TESPA1: variants seen among roughly 807,000 people sequenced by gnomAD.
TESPA1 encodes thymocyte expressed, positive selection associated 1, also known as protein TESPA1.
TESPA1 carries 33 observed loss-of-function variants against 57.9 expected under a neutral mutation model. The ratio of observed to expected loss-of-function variants is 0.57; its 90% CI spans 0.43 to 0.76. The LOEUF (loss-of-function observed/expected upper bound fraction) is 0.76. Ranked by LOEUF, TESPA1 falls within the 30% of genes least tolerant of loss-of-function variation. The probability of loss-of-function intolerance (pLI) is 0.00; values close to 1 mark genes in which losing one functional copy is unlikely to be tolerated. For synonymous variants in TESPA1, 227 were observed against 228.9 expected, an observed-to-expected ratio of 0.99 and a Z score of 0.07; for missense variants, 618 against 632.9, an observed-to-expected ratio of 0.98 and a Z score of 0.25.
chr12:54,983,156 A>G (rs1952382538), intron 1 of TESPA1, among the ~76,000 whole-genome samples: 1 of 152,224 alleles, frequency 6.6e-6, no homozygotes, highest in Non-Finnish European at 1.5e-5. Context: ...TGAACTGAAA[A>G]TGACGGTTGG....
At chr12:54,978,690 A>G (rs1045828312) in intron 1 of TESPA1, among the ~76,000 whole-genome samples, 2 of 152,172 alleles carry the variant, frequency 1.3e-5, no homozygotes, top group Non-Finnish European at 2.9e-5. Context: ...ATTGACTCTC[A>G]ACATTGCTTG....
intron 3 of TESPA1, 82 bp downstream of exon 3, chr12:54,973,395 G>A (rs1219767917): frequency 2.6e-5 from 42 of 1,586,522 alleles, no homozygotes; most frequent in Middle Eastern, 1.7e-4. Context: ...CCATCTTCCC[G>A]TCTCTGAGTT....
chr12:54,978,919 T>C (rs908811618), intron 1 of TESPA1, among the ~76,000 whole-genome samples: 3 of 152,130 alleles, frequency 2.0e-5, no homozygotes, highest in African/African-American at 7.2e-5. Flanking sequence ...CCTAAACCCA[T>C]CATAGAACAT....
intron 3 of TESPA1, among the ~76,000 whole-genome samples, chr12:54,970,594 A>G (rs1951771002): frequency 6.6e-6 from 1 of 152,196 alleles, no homozygotes; most frequent in South Asian, 2.1e-4. Context: ...GAGCACAATG[A>G]TTTGAGACTT....
intron 10 of TESPA1, among the ~76,000 whole-genome samples, chr12:54,952,935 A>G (rs1411243463): frequency 6.6e-6 from 1 of 151,628 alleles, no homozygotes; most frequent in Non-Finnish European, 1.5e-5. Flanking sequence ...TCCTTATTCC[A>G]TTTTTCTTCC....
intron 10 of TESPA1, among the ~76,000 whole-genome samples, chr12:54,956,357 T>C (rs1159373084): frequency 6.6e-6 from 1 of 152,188 alleles, no homozygotes. Flanking sequence ...AGAATAAATA[T>C]TGACCTGTGC....
chr12:54,970,871 C>G (rs1020070124), intron 3 of TESPA1, among the ~76,000 whole-genome samples: 4 of 152,186 alleles, frequency 2.6e-5, no homozygotes, highest in Non-Finnish European at 2.9e-5. Context: ...TCCATAGCTA[C>G]CTGCCTGCAG....
At chr12:54,976,892 C>A (rs1952158288) in intron 1 of TESPA1, among the ~76,000 whole-genome samples, 2 of 152,118 alleles carry the variant, frequency 1.3e-5, no homozygotes, top group African/African-American at 4.8e-5. Flanking sequence ...CCTGAAAATA[C>A]TTACCTCTTT....
At chr12:54,950,756 A>G (rs1328198221) in intron 10 of TESPA1, among the ~76,000 whole-genome samples, 1 of 152,130 alleles carries the variant, frequency 6.6e-6, no homozygotes, top group East Asian at 1.9e-4. Flanking sequence ...CTAGCAATGC[A>G]TTTTCTATTA....
chr12:54,984,843 A>G (rs1906496), upstream of TESPA1: 17,496 of 152,436 alleles, frequency 0.11, 2,291 homozygotes, highest in East Asian at 0.63. Context: ...GCTCCGGCTC[A>G]GGAGACTGAG....
At chr12:54,980,628 A>G (rs1476120001) in intron 1 of TESPA1, among the ~76,000 whole-genome samples, 1 of 152,198 alleles carries the variant, frequency 6.6e-6, no homozygotes, top group Non-Finnish European at 1.5e-5. Context: ...GGTCATGGGC[A>G]CTCAGAGGGC....
chr12:54,974,655 C>T, intron 1 of TESPA1, 48 bp from the exon 2 acceptor site: 3 of 1,336,798 alleles, frequency 2.2e-6, no homozygotes, highest in South Asian at 3.6e-5. Context: ...GCTCAGAAAC[C>T]ATCATGATGC....
Position 54,955,760 on chromosome 12 carries a change from T to G in TESPA1, c.*2-5370A>C, listed in dbSNP as rs72648132. 3.3e-5 allele frequency among the ~76,000 whole-genome samples: 5 copies of G among 152,162 alleles called. No homozygotes were observed. In the East Asian group the frequency reaches 9.7e-4, roughly 30 times the overall value. On this transcript the variant is annotated intron_variant, in intron 10 of 10. Transcript: ENST00000449076. ...TTCTTTCTTTTACACCTTTGTGGAG[T>G]GATTTCCTGGGGTGGGAGGAGATTT...
chr12:54,962,358 T>C, intron 9 of TESPA1, 73 bp downstream of exon 9: 1 of 1,509,392 alleles, frequency 6.6e-7, no homozygotes, highest in Non-Finnish European at 9.0e-7. Context: ...CCAAGGGTTC[T>C]AACCCTTCAT....
At chr12:54,984,253 A>G (rs1232223687) in intron 1 of TESPA1, 1 of 152,234 alleles carries the variant, frequency 6.6e-6, no homozygotes, top group Non-Finnish European at 1.5e-5. Context: ...GTTCAGCAAG[A>G]CACAGAGAAG....
chr12:54,963,079 C>T lies in TESPA1; in HGVS notation c.819G>A (p.Glu273=). 6.2e-7 allele frequency: 1 copy of T among 1,613,882 alleles called. No homozygotes were observed. The highest frequency in any genetic ancestry group is 8.5e-7 in the Non-Finnish European group (1 of 1,179,858). The change falls in exon 9 of 11, where the codon GAG becomes GAA. Residue 273 remains glutamate (E), a synonymous_variant. Coordinates refer to ENST00000449076, the MANE Select transcript of TESPA1 (RefSeq NM_001136030.3). Reference sequence around the variant, plus strand: ...GGTCTCTGGGTGACTGGGGTTCAGGCTCTCGGGACAGAATCCTGATGGATG... The same window carrying T: ...GGTCTCTGGGTGACTGGGGTTCAGGTTCTCGGGACAGAATCCTGATGGATG... ...DVPSIRILSR[E]PEPQSPRDRL...
chr12:54,969,995 TA>T (rs1221928573), intron 3 of TESPA1, among the ~76,000 whole-genome samples: 1 of 152,202 alleles, frequency 6.6e-6, no homozygotes, highest in Non-Finnish European at 1.5e-5. Flanking sequence ...ACAGTGAGAA[TA>T]GCTCACTGTA....
intron 10 of TESPA1, among the ~76,000 whole-genome samples, chr12:54,953,335 A>G (rs1950513841): frequency 6.6e-6 from 1 of 152,062 alleles, no homozygotes; most frequent in Admixed American, 6.5e-5. Context: ...TTCTCCCACT[A>G]GGCATAAGGT....
chr12:54,951,380 A>G (rs1289293636), intron 10 of TESPA1, among the ~76,000 whole-genome samples: 1 of 151,724 alleles, frequency 6.6e-6, no homozygotes, highest in East Asian at 2.0e-4. Context: ...CCATGAGCCA[A>G]TTAAACCTCT....
Sources: allele counts gnomAD v4.1 joint callset (sites outside exome capture counted in the v4.1 genomes callset), GRCh38; gene constraint gnomAD v4.1.1; transcripts MANE v1.5; gene names NCBI Gene and HGNC (gene_info 2026-07-23, HGNC 2026-07-21).